Variants in SH3TC2 observed in about 807,000 individuals in gnomAD.
SH3TC2 encodes the protein SH3 domain and tetratricopeptide repeats 2.
SH3TC2 carries 87 observed loss-of-function variants against 124.5 expected under a neutral mutation model. The observed-to-expected ratio is 0.70, with a 90% CI of 0.59 to 0.84. SH3TC2 has a LOEUF of 0.84. Ranked by LOEUF, SH3TC2 falls within the 40% of genes least tolerant of loss-of-function variation. The pLI, the probability that SH3TC2 is intolerant of heterozygous loss-of-function variation, is 0.00. For synonymous variants in SH3TC2, 634 were observed against 628.5 expected, an observed-to-expected ratio of 1.01 and a Z score of -0.13; for missense variants, 1,536 against 1,566.4, an observed-to-expected ratio of 0.98 and a Z score of 0.33.
chr5:149,053,826 TA>T (rs150541469), intron 1 of SH3TC2, among the ~76,000 whole-genome samples: 2,377 of 149,244 alleles, frequency 0.016, 60 homozygotes, highest in African/African-American at 0.056. Context: ...TCATCCCAGC[TA>T]AAAAAAAAAT....
intron 15 of SH3TC2, chr5:149,008,208 A>G (rs777783838): frequency 3.1e-5 from 5 of 159,264 alleles, no homozygotes; most frequent in African/African-American, 7.2e-5. Flanking sequence ...AGGCTTCTCT[A>G]TCAAACCTGC....
chr5:149,007,471 G>A (rs1753709978), intron 15 of SH3TC2: 1 of 432,940 alleles, frequency 2.3e-6, no homozygotes, highest in African/African-American at 2.0e-5. Context: ...GGGACATGGT[G>A]ACAAGTCTAG....
chr5:149,057,357 T>C (rs1754667483), intron 1 of SH3TC2, among the ~76,000 whole-genome samples: 1 of 152,170 alleles, frequency 6.6e-6, no homozygotes. Context: ...TTTTCTCTGA[T>C]GACATTGATA....
intron 12 of SH3TC2, among the ~76,000 whole-genome samples, chr5:149,013,699 T>C (rs1450060805): frequency 1.3e-5 from 2 of 152,184 alleles, no homozygotes; most frequent in African/African-American, 4.8e-5. Flanking sequence ...TCTCCCTCCA[T>C]GTCAATGGAG....
chr5:149,033,533 A>G (rs1475661677), intron 8 of SH3TC2, among the ~76,000 whole-genome samples: 2 of 152,180 alleles, frequency 1.3e-5, no homozygotes, highest in East Asian at 3.9e-4. Flanking sequence ...TTCAGCTGGG[A>G]CTCTGGCCTT....
intron 8 of SH3TC2, chr5:149,034,497 C>T: frequency 2.4e-6 from 1 of 421,468 alleles, no homozygotes; most frequent in Non-Finnish European, 4.7e-6. Context: ...CATGAATCTT[C>T]ATATTGAAGA....
At chr5:149,056,504 G>A (rs1185138389) in intron 1 of SH3TC2, among the ~76,000 whole-genome samples, 1 of 152,070 alleles carries the variant, frequency 6.6e-6, no homozygotes, top group African/African-American at 2.4e-5. Context: ...ACATTTTTAT[G>A]AAAAGCTGAA....
In SH3TC2 at chr5:149,028,098, G is replaced by C; in HGVS notation, c.1634C>G (p.Ser545Cys). 2 of 1,614,130 alleles carry C rather than the reference G, an allele frequency of 1.2e-6. No homozygotes were observed. Among genetic ancestry groups the C allele is most frequent in the South Asian group, 1.1e-5 (1 of 91,090 alleles). The change falls in exon 11 of 17, where the codon TCT becomes TGT. Residue 545 changes from serine to cysteine, a missense_variant. Ser to Cys is a moderately radical substitution (Grantham distance 112). This residue lies in a region of SH3TC2 where 1,102 missense variants were observed against 1,098.6 expected (regional missense o/e 1.00). Coordinates refer to ENST00000515425, the MANE Select transcript of SH3TC2 (RefSeq NM_024577.4). ...GRLSIRKVKLSQARVYFEEAI... is the reference protein window; with the variant it reads ...GRLSIRKVKLCQARVYFEEAI... The stretch of plus-strand genomic sequence containing the variant: ...CTCCTCGAAGTACACCCTGGCCTGA[G>C]AGAGTTTGACCTTCCTGATGCTCAG...
rs1027337341 is a variant in SH3TC2 at position 148,997,647 on chromosome 5, T to C, written c.*7064A>G. On this transcript the variant is annotated 3_prime_UTR_variant, in exon 17 of 17. Transcript: ENST00000515425. ...CTTCTATTCATGATCATATTAGTGATAGCATTTCTCTCAGAGATGTGTCAC... is the reference window on the plus strand; with the variant it reads ...CTTCTATTCATGATCATATTAGTGACAGCATTTCTCTCAGAGATGTGTCAC... Among the ~76,000 whole-genome samples the C allele has an allele frequency of 2.6e-5, 4 of 152,232 alleles. No homozygotes were observed. Among genetic ancestry groups the C allele is most frequent in the Non-Finnish European group, 5.9e-5 (4 of 68,040 alleles).
chr5:149,008,088 A>G (rs191436466), intron 15 of SH3TC2: 48 of 152,954 alleles, frequency 3.1e-4, no homozygotes, highest in Admixed American at 1.4e-3. Flanking sequence ...TCAAGAATGC[A>G]ATTAGACAAA....
chr5:148,988,555 T>C lies in SH3TC2; in HGVS notation c.*16156A>G, dbSNP rs572365201. Among the ~76,000 whole-genome samples, 47 of 152,282 alleles carry C rather than the reference T, an allele frequency of 3.1e-4. No homozygotes were observed. The highest frequency in any genetic ancestry group is 6.0e-4 in the Non-Finnish European group (41 of 68,024). ...CATGCTGTAAGACGGCCAAGCCACA[T>C]GGAGTCGACATGGCTCACGGCTCCA... On this transcript the variant is annotated 3_prime_UTR_variant, in exon 17 of 17. Coordinates refer to ENST00000515425, the MANE Select transcript of SH3TC2 (RefSeq NM_024577.4).
chr5:149,032,501 G>A (rs973355299), intron 8 of SH3TC2, among the ~76,000 whole-genome samples: 2 of 152,168 alleles, frequency 1.3e-5, no homozygotes, highest in Non-Finnish European at 2.9e-5. Context: ...TTTAATGTCA[G>A]AACCCATTTT....
In SH3TC2 at chr5:149,002,396, A is replaced by C. The variant is rs1454179061; in HGVS notation, c.*2315T>G. ...TACAGCTTGTGGTGGGGGCAAAACC[A>C]CATCTATTCTCCATGGTAGTAGATT... On this transcript the variant is annotated 3_prime_UTR_variant, in exon 17 of 17. Transcript: ENST00000515425. 2 of 152,642 alleles carry C rather than the reference A, an allele frequency of 1.3e-5. No individual in the cohort carries two copies. The highest frequency in any genetic ancestry group is 4.8e-5 in the African/African-American group (2 of 41,456). The allele number at this position is 152,642 out of a possible 1,614,324, so 9.5% of individuals were successfully genotyped here. A position where few individuals can be genotyped will look rare whatever the true frequency, so the allele number is the denominator to read the frequency against.
At position 148,987,186 on chromosome 5, in the gene SH3TC2, T is replaced by C. The variant is rs1753346116; in HGVS notation, c.*17525A>G. 6.6e-6 allele frequency among the ~76,000 whole-genome samples: 1 copy of C among 152,204 alleles called. No homozygotes were observed. The highest frequency in any genetic ancestry group is 1.5e-5 in the Non-Finnish European group (1 of 68,026). On this transcript the variant is annotated 3_prime_UTR_variant, in exon 17 of 17. Transcript: ENST00000515425. Reference sequence around the variant, plus strand: ...TTGATTTAAATTATTTTAACCACTGTAACCCCTCTGTGGGGAGAGGAGAAA... The same window carrying C: ...TTGATTTAAATTATTTTAACCACTGCAACCCCTCTGTGGGGAGAGGAGAAA...
Position 149,062,951 on chromosome 5 carries a change from G to T in SH3TC2, c.52+20C>A. 6.3e-7 allele frequency: 1 copy of T among 1,576,502 alleles called. No individual in the cohort carries two copies. Among genetic ancestry groups the T allele is most frequent in the Non-Finnish European group, 8.6e-7 (1 of 1,159,740 alleles). On this transcript the variant is annotated intron_variant, in intron 1 of 16. Coordinates refer to ENST00000515425, the MANE Select transcript of SH3TC2 (RefSeq NM_024577.4). ...CCACTTTGGCCAAGCCACAGGCCAA[G>T]GGCCCCCTGGGAAACTCACCTGGGC...
chr5:149,024,483 G>A (rs911981127), intron 12 of SH3TC2, among the ~76,000 whole-genome samples: 5 of 152,202 alleles, frequency 3.3e-5, no homozygotes, highest in African/African-American at 1.2e-4. Flanking sequence ...ATACACTTTG[G>A]AGGCAGCAGG....
chr5:149,009,679 C>A (rs1423919527), intron 14 of SH3TC2, among the ~76,000 whole-genome samples: 2 of 152,148 alleles, frequency 1.3e-5, no homozygotes, highest in Middle Eastern at 3.2e-3. Context: ...TGGTGATGAA[C>A]AACAATCACA....
rs190680171 is a variant in SH3TC2, at chr5:149,027,596, G to A, written c.2136C>T (p.His712=). 3 of 1,614,258 alleles carry A rather than the reference G, an allele frequency of 1.9e-6. No individual in the cohort carries two copies. The highest frequency in any genetic ancestry group is 3.3e-5 in the Admixed American group (2 of 60,034). The change falls in exon 11 of 17, where the codon CAC becomes CAT. Residue 712 remains histidine (H), a synonymous_variant. Transcript: ENST00000515425. ...QGMSLPIWQV[H]LVLQNTTKLL... ...GCTTGGTTGTGTTCTGGAGGACAAG[G>A]TGGACCTGCCAAATAGGAAGAGACA...
At position 148,999,218 on chromosome 5, in the gene SH3TC2, C is replaced by T. The variant is rs1209406396; in HGVS notation, c.*5493G>A. On this transcript the variant is annotated 3_prime_UTR_variant, in exon 17 of 17. Coordinates refer to ENST00000515425, the MANE Select transcript of SH3TC2 (RefSeq NM_024577.4). ...GCAGGACCAGGGTGCCTGGCCACACCTCCAGGTTTGGCTGCACTTCTCAAT... is the reference window on the plus strand; with the variant it reads ...GCAGGACCAGGGTGCCTGGCCACACTTCCAGGTTTGGCTGCACTTCTCAAT... 1.3e-5 allele frequency among the ~76,000 whole-genome samples: 2 copies of T among 152,226 alleles called. No homozygotes were observed. Among genetic ancestry groups the T allele is most frequent in the African/African-American group, 4.8e-5 (2 of 41,470 alleles).
Sources: gnomAD v4.1 joint callset for allele counts (sites outside exome capture counted in the v4.1 genomes callset) on GRCh38, gnomAD v4.1.1 for gene constraint, gnomAD v4.1.1 regional missense constraint, MANE v1.5 for transcripts, NCBI Gene and HGNC (gene_info 2026-07-23, HGNC 2026-07-21) for gene names.